CLEC16A: variants seen among roughly 807,000 people sequenced by gnomAD.
CLEC16A encodes protein CLEC16A.
CLEC16A carries 51 observed loss-of-function variants against 109.5 expected under a neutral mutation model. The ratio of observed to expected loss-of-function variants is 0.47; its 90% confidence interval spans 0.37 to 0.59. The LOEUF is 0.59. CLEC16A is among the 20% of genes least tolerant of loss of function. The probability of loss-of-function intolerance (pLI) is 0.00; values close to 1 mark genes in which losing one functional copy is unlikely to be tolerated. For synonymous variants in CLEC16A, 673 were observed against 564.2 expected (o/e 1.19, Z -2.73); for missense variants, 1,339 against 1,394.0 (o/e 0.96, Z 0.63).
At chr16:11,028,982 T>G (rs2046585339) in intron 13 of CLEC16A, among the ~76,000 whole-genome samples, 1 of 152,218 alleles carries the variant, frequency 6.6e-6, no homozygotes, top group African/African-American at 2.4e-5. Flanking sequence ...TTCTCCTGCT[T>G]TTGGATTCCT....
At chr16:11,080,225 C>T (rs1166320065) in intron 19 of CLEC16A, among the ~76,000 whole-genome samples, 1 of 152,196 alleles carries the variant, frequency 6.6e-6, no homozygotes, top group African/African-American at 2.4e-5. Flanking sequence ...AGGACAGAGC[C>T]CTCCTCCCTT....
In CLEC16A at chr16:10,977,382, C is replaced by T; in HGVS notation, c.886C>T (p.Leu296=). The change falls in exon 8 of 24, where the codon CTG becomes TTG. Residue 296 remains leucine (L), a synonymous_variant. Transcript: ENST00000409790. ...CTTCCTGCCCCTCTACGTGTACTCA[C>T]TGGAGAACCAGGACAAGGTGGGTCC... The part of the protein sequence containing the change: ...RLFLPLYVYS[L]ENQDKGGERP... 1 of 1,613,568 alleles carries T rather than the reference C, an allele frequency of 6.2e-7. No individual in the cohort carries two copies. The highest frequency in any genetic ancestry group is 8.5e-7 in the Non-Finnish European group (1 of 1,179,656).
chr16:11,081,451 C>T (rs1002271235), intron 19 of CLEC16A, among the ~76,000 whole-genome samples: 1 of 152,170 alleles, frequency 6.6e-6, no homozygotes, highest in African/African-American at 2.4e-5. Context: ...GTCCTTGTTG[C>T]TGTGGCGCCT....
intron 22 of CLEC16A, among the ~76,000 whole-genome samples, chr16:11,141,396 A>T (rs901863860): frequency 6.6e-6 from 1 of 152,214 alleles, no homozygotes; most frequent in African/African-American, 2.4e-5. Flanking sequence ...AAGGATGACC[A>T]TGGGGCCAGG....
intron 10 of CLEC16A, among the ~76,000 whole-genome samples, chr16:10,996,215 T>A (rs891077068): frequency 1.3e-5 from 2 of 152,204 alleles, no homozygotes; most frequent in Non-Finnish European, 2.9e-5. Context: ...TGATATCTCT[T>A]CTGAGGCTGT....
In CLEC16A at chr16:11,081,653, G is replaced by T. The variant is rs142790818; in HGVS notation, c.2116+20631G>T. ...CCCTATCATTTCTTACAGGACAGCA[G>T]TTCCAAGCCAGGAGAGCATAGGGGT... On this transcript the variant is annotated intron_variant, in intron 19 of 23. Transcript: ENST00000409790. Among the ~76,000 whole-genome samples, 597 of 152,246 alleles carry T rather than the reference G, an allele frequency of 3.9e-3. 3 individuals carry two copies. The highest frequency in any genetic ancestry group is 0.013 in the African/African-American group (549 of 41,542).
At chr16:10,965,701 G>A (rs906364360) in intron 3 of CLEC16A, among the ~76,000 whole-genome samples, 2 of 152,218 alleles carry the variant, frequency 1.3e-5, no homozygotes, top group Non-Finnish European at 2.9e-5. Context: ...TTACGTACAG[G>A]CTCCCGGGTT....
intron 10 of CLEC16A, 76 bp from the exon 11 acceptor site, chr16:11,002,998 C>G (rs559490540): frequency 1.3e-5 from 16 of 1,239,926 alleles, no homozygotes; most frequent in Non-Finnish European, 1.8e-5. Flanking sequence ...AGGACAGAAA[C>G]TTTTGGGCAA....
chr16:11,122,972 C>T (rs1250341815), intron 20 of CLEC16A, among the ~76,000 whole-genome samples: 1 of 129,790 alleles, frequency 7.7e-6, no homozygotes, highest in Non-Finnish European at 1.5e-5. Flanking sequence ...GGTTCGATCT[C>T]GGCTCACTGC....
At chr16:11,038,934 C>T (rs2047170941) in intron 13 of CLEC16A, among the ~76,000 whole-genome samples, 1 of 152,164 alleles carries the variant, frequency 6.6e-6, no homozygotes, top group African/African-American at 2.4e-5. Context: ...CTTGATTCCT[C>T]CTACATGTGT....
intron 10 of CLEC16A, among the ~76,000 whole-genome samples, chr16:10,986,212 AG>A (rs1160332326): frequency 6.6e-5 from 10 of 150,726 alleles, no homozygotes; most frequent in Admixed American, 6.6e-4. Context: ...TTGTATTTTT[AG>A]TAGAGACGGG....
chr16:10,979,481 C>G (rs999605047), intron 9 of CLEC16A, 99 bp downstream of exon 9: 1 of 1,035,786 alleles, frequency 9.7e-7, no homozygotes, highest in Non-Finnish European at 1.5e-6. Context: ...CCCATCTTCT[C>G]TGTCCCCCCC....
intron 7 of CLEC16A, among the ~76,000 whole-genome samples, chr16:10,975,441 G>A (rs184079909): frequency 6.1e-4 from 93 of 152,222 alleles, no homozygotes; most frequent in Non-Finnish European, 1.0e-3. Flanking sequence ...ATATTACTTT[G>A]ATATTTTTTA....
chr16:11,173,025 C>G (rs2068590077), intron 23 of CLEC16A, among the ~76,000 whole-genome samples: 1 of 152,194 alleles, frequency 6.6e-6, no homozygotes, highest in South Asian at 2.1e-4. Context: ...GGCTTCCCTC[C>G]CATCTGGACC....
chr16:11,086,453 A>G (rs2050013506), intron 19 of CLEC16A, among the ~76,000 whole-genome samples: 1 of 152,228 alleles, frequency 6.6e-6, no homozygotes, highest in Non-Finnish European at 1.5e-5. Context: ...AAGGCTTCGG[A>G]TAGTACCTCA....
At chr16:11,044,161 A>G (rs1006420198) in intron 16 of CLEC16A, 89 bp downstream of exon 16, 4 of 1,127,472 alleles carry the variant, frequency 3.5e-6, no homozygotes, top group Non-Finnish European at 5.0e-6. Flanking sequence ...TAAACGTTAT[A>G]TGTCTTCAGT....
At chr16:10,947,659 C>T (rs2041462890) in intron 1 of CLEC16A, among the ~76,000 whole-genome samples, 1 of 152,064 alleles carries the variant, frequency 6.6e-6, no homozygotes, top group African/African-American at 2.4e-5. Flanking sequence ...GACCAACCGT[C>T]CTGGTTTGCC....
At chr16:11,151,521 G>T (rs1285514582) in intron 22 of CLEC16A, among the ~76,000 whole-genome samples, 1 of 152,166 alleles carries the variant, frequency 6.6e-6, no homozygotes, top group Non-Finnish European at 1.5e-5. Flanking sequence ...TCTCATTCCT[G>T]CCAAAAAGAG....
chr16:11,073,471 GCGC>G (rs1246284277), intron 19 of CLEC16A, among the ~76,000 whole-genome samples: 1 of 152,088 alleles, frequency 6.6e-6, no homozygotes, highest in Non-Finnish European at 1.5e-5. Flanking sequence ...CCATGGCCTT[GCGC>G]CACGCTGCTT....
Sources: gnomAD v4.1 joint callset for allele counts (sites outside exome capture counted in the v4.1 genomes callset) on GRCh38, gnomAD v4.1.1 for gene constraint, MANE v1.5 for transcripts, NCBI Gene and HGNC (gene_info 2026-07-23, HGNC 2026-07-21) for gene names.